RALYL: variants seen among roughly 807,000 people sequenced by gnomAD.
RALYL encodes the protein RNA-binding Raly-like protein.
In RALYL, 29 loss-of-function variants were observed where a neutral mutation model predicts 35.1. The ratio of observed to expected loss-of-function variants is 0.83; its 90% CI spans 0.61 to 1.13. RALYL has a LOEUF of 1.13. Ranked by LOEUF, RALYL falls within the 50% of genes most tolerant of loss-of-function variation. The pLI is 0.00. For synonymous variants in RALYL, 120 were observed against 127.6 expected, an observed-to-expected ratio of 0.94 and a Z score of 0.40; for missense variants, 359 against 360.4, an observed-to-expected ratio of 1.00 and a Z score of 0.03.
chr8:84,304,441 T>C (rs1841414886), intron 1 of RALYL, among the ~76,000 whole-genome samples: 1 of 152,200 alleles, frequency 6.6e-6, no homozygotes, highest in African/African-American at 2.4e-5. Context: ...TAATATAATA[T>C]GGGATATTAG....
At chr8:84,406,035 A>G (rs2043452360) in intron 1 of RALYL, among the ~76,000 whole-genome samples, 1 of 150,348 alleles carries the variant, frequency 6.7e-6, no homozygotes, top group African/African-American at 2.4e-5. Flanking sequence ...AAAGCAAGGT[A>G]ATTCTGTACC....
intron 2 of RALYL, among the ~76,000 whole-genome samples, chr8:84,656,363 G>T (rs1250450765): frequency 6.6e-6 from 1 of 151,968 alleles, no homozygotes; most frequent in Non-Finnish European, 1.5e-5. Context: ...TTGAAATAGG[G>T]TTTTCTACTT....
intron 1 of RALYL, among the ~76,000 whole-genome samples, chr8:84,410,034 C>T (rs1172385771): frequency 6.6e-6 from 1 of 151,854 alleles, no homozygotes; most frequent in Non-Finnish European, 1.5e-5. Context: ...TGAGCTGAAA[C>T]ACAACTTCTA....
chr8:84,446,079 G>A (rs1351807377), intron 1 of RALYL, among the ~76,000 whole-genome samples: 3 of 151,774 alleles, frequency 2.0e-5, no homozygotes, highest in Non-Finnish European at 4.4e-5. Context: ...TAGCTGTTTT[G>A]GTTGGCATTC....
Position 84,698,500 on chromosome 8 carries a change from G to A in RALYL, c.257-76079G>A, listed in dbSNP as rs149319868. 1.3e-3 allele frequency among the ~76,000 whole-genome samples: 205 copies of A among 151,988 alleles called. 1 individual carries two copies. The highest frequency in any genetic ancestry group is 1.8e-3 in the African/African-American group (75 of 41,482). ...GTGGAGTGCAGAATCCCAGTTCATC[G>A]TTTTTTTAGCATCATGTATTTATTA... On this transcript the variant is annotated intron_variant, in intron 2 of 8. Coordinates refer to ENST00000521268, the MANE Select transcript of RALYL (RefSeq NM_173848.7).
intron 1 of RALYL, among the ~76,000 whole-genome samples, chr8:84,508,196 GC>G (rs1286918934): frequency 6.6e-6 from 1 of 151,824 alleles, no homozygotes; most frequent in Non-Finnish European, 1.5e-5. Context: ...AAGTTCACAT[GC>G]CTTGAAAAAA....
At chr8:84,811,124 T>C (rs184445984) in intron 4 of RALYL, among the ~76,000 whole-genome samples, 1 of 152,276 alleles carries the variant, frequency 6.6e-6, no homozygotes, top group East Asian at 1.9e-4. Context: ...TGATTTATGC[T>C]TTAAAGAGGT....
intron 8 of RALYL, among the ~76,000 whole-genome samples, chr8:84,907,316 A>ATT (rs1563846170): frequency 2.7e-5 from 2 of 73,412 alleles, no homozygotes; most frequent in Non-Finnish European, 3.2e-5. Context: ...AGCGTCACAC[A>ATT]CACACACACA....
intron 1 of RALYL, among the ~76,000 whole-genome samples, chr8:84,441,595 A>C (rs186827044): frequency 1.3e-5 from 2 of 152,272 alleles, no homozygotes; most frequent in East Asian, 3.9e-4. Flanking sequence ...ATGAACGATC[A>C]TGTATTTACA....
rs180914787 is a variant in RALYL, at chr8:84,549,137, C to G, written c.256+19560C>G. Among the ~76,000 whole-genome samples, 4 of 152,244 alleles carry G rather than the reference C, an allele frequency of 2.6e-5. No individual in the cohort carries two copies. In the South Asian group the frequency reaches 8.3e-4, roughly 32 times the overall value. ...CACAGATACAGCTATGCTATGTAGA[C>G]CTTGCAGCGGGTAATAATTTCTCTC... is the stretch of plus-strand genomic sequence containing the variant. On this transcript the variant is annotated intron_variant, in intron 2 of 8. Transcript: ENST00000521268.
At chr8:84,430,770 A>G (rs865993723) in intron 1 of RALYL, among the ~76,000 whole-genome samples, 12 of 152,112 alleles carry the variant, frequency 7.9e-5, no homozygotes, top group Non-Finnish European at 5.9e-5. Context: ...AAATATGTAA[A>G]TTATTTACTA....
At chr8:84,877,275 T>C (rs1841347940) in intron 7 of RALYL, among the ~76,000 whole-genome samples, 1 of 151,948 alleles carries the variant, frequency 6.6e-6, no homozygotes. Context: ...TCACTTGAGG[T>C]TAGGAGTTCG....
intron 2 of RALYL, among the ~76,000 whole-genome samples, chr8:84,599,246 A>T (rs1480928582): frequency 6.6e-6 from 1 of 152,096 alleles, no homozygotes; most frequent in East Asian, 1.9e-4. Context: ...TGCTATGATT[A>T]TAGAATAAAT....
intron 2 of RALYL, among the ~76,000 whole-genome samples, chr8:84,573,652 G>A (rs1588269252): frequency 1.3e-5 from 2 of 151,764 alleles, no homozygotes; most frequent in East Asian, 1.9e-4. Context: ...TCCAATCCAC[G>A]TATGTTTAAC....
At chr8:84,498,637 TC>T (rs2056338784) in intron 1 of RALYL, among the ~76,000 whole-genome samples, 1 of 152,148 alleles carries the variant, frequency 6.6e-6, no homozygotes, top group African/African-American at 2.4e-5. Flanking sequence ...AGTTTAATCA[TC>T]AAAGTTTCCA....
intron 1 of RALYL, among the ~76,000 whole-genome samples, chr8:84,453,453 G>A (rs1255449137): frequency 6.6e-6 from 1 of 151,912 alleles, no homozygotes; most frequent in Non-Finnish European, 1.5e-5. Flanking sequence ...AGCTTGTTGA[G>A]CTACAAATCA....
chr8:84,557,565 A>G (rs1432034764), intron 2 of RALYL, among the ~76,000 whole-genome samples: 2 of 152,228 alleles, frequency 1.3e-5, no homozygotes, highest in African/African-American at 2.4e-5. Context: ...TTAAACATTT[A>G]TTACAATATG....
intron 4 of RALYL, among the ~76,000 whole-genome samples, chr8:84,847,015 T>A (rs1834801232): frequency 6.6e-6 from 1 of 152,226 alleles, no homozygotes; most frequent in Non-Finnish European, 1.5e-5. Context: ...GCTCTTGTTT[T>A]TCTAATTCCC....
At chr8:84,287,100 G>C (rs756816499) in intron 1 of RALYL, among the ~76,000 whole-genome samples, 2 of 152,100 alleles carry the variant, frequency 1.3e-5, no homozygotes, top group Admixed American at 1.3e-4. Context: ...GGACCAGTGA[G>C]GTGCCTGGAA....
Sources: allele counts gnomAD v4.1 joint callset (sites outside exome capture counted in the v4.1 genomes callset), GRCh38; gene constraint gnomAD v4.1.1; transcripts MANE v1.5; gene names NCBI Gene and HGNC (gene_info 2026-07-23, HGNC 2026-07-21).